Variants in DLGAP1 observed in about 807,000 individuals in gnomAD.
DLGAP1 encodes DLG associated protein 1, also known as disks large-associated protein 1.
Under a neutral mutation model 90.8 loss-of-function variants are expected in DLGAP1, and 11 were observed. The observed-to-expected ratio is 0.12, with a 90% CI of 0.08 to 0.20. The LOEUF is 0.20. Among genes scored for constraint, DLGAP1 ranks in the 10% least tolerant of loss-of-function variants. The probability of loss-of-function intolerance (pLI) is 1.00; values close to 1 mark genes in which losing one functional copy is unlikely to be tolerated. For synonymous variants in DLGAP1, 558 were observed against 540.7 expected, an observed-to-expected ratio of 1.03 and a Z score of -0.44; for missense variants, 1,050 against 1,333.8, an observed-to-expected ratio of 0.79 and a Z score of 3.31.
intron 1 of DLGAP1, among the ~76,000 whole-genome samples, chr18:4,195,728 T>C (rs1298413488): frequency 6.6e-6 from 1 of 152,078 alleles, no homozygotes; most frequent in Non-Finnish European, 1.5e-5. Flanking sequence ...ATTTTTTGTA[T>C]TTTTAGTAGA....
intron 1 of DLGAP1, among the ~76,000 whole-genome samples, chr18:4,425,036 C>T (rs556204615): frequency 1.2e-4 from 15 of 130,276 alleles, no homozygotes; most frequent in African/African-American, 4.5e-4. Flanking sequence ...CAGGGAGATG[C>T]AACATAACCA....
chr18:4,122,348 A>G (rs77500725), intron 2 of DLGAP1, among the ~76,000 whole-genome samples: 2,238 of 152,290 alleles, frequency 0.015, 43 homozygotes, highest in African/African-American at 0.046. Flanking sequence ...GTCCTTAGCT[A>G]AGTAGTTGTG....
At chr18:4,077,183 A>G (rs953752228) in intron 2 of DLGAP1, among the ~76,000 whole-genome samples, 6 of 152,250 alleles carry the variant, frequency 3.9e-5, no homozygotes, top group Admixed American at 6.5e-5. Context: ...TACATTAAGG[A>G]AAGGAGATTC....
At chr18:3,797,627 A>G (rs1168345694) in intron 5 of DLGAP1, among the ~76,000 whole-genome samples, 2 of 152,240 alleles carry the variant, frequency 1.3e-5, no homozygotes, top group African/African-American at 4.8e-5. Context: ...GAGCATGAAA[A>G]CAGAAGCTTC....
intron 1 of DLGAP1, among the ~76,000 whole-genome samples, chr18:4,305,484 A>G (rs2080228194): frequency 6.8e-6 from 1 of 147,664 alleles, no homozygotes; most frequent in South Asian, 2.2e-4. Context: ...CAGTGAGCCG[A>G]GATCGTGGCA....
At chr18:4,381,521 C>G (rs752976566) in intron 1 of DLGAP1, among the ~76,000 whole-genome samples, 18 of 152,128 alleles carry the variant, frequency 1.2e-4, no homozygotes, top group Admixed American at 7.2e-4. Flanking sequence ...TTATTTCATA[C>G]TTAAGATGTG....
chr18:4,231,655 C>A (rs2078301212), intron 1 of DLGAP1, among the ~76,000 whole-genome samples: 1 of 151,976 alleles, frequency 6.6e-6, no homozygotes, highest in African/African-American at 2.4e-5. Flanking sequence ...CATTTCTATT[C>A]TCTGGATCCT....
chr18:3,698,361 C>T (rs973350355), intron 7 of DLGAP1, among the ~76,000 whole-genome samples: 12 of 152,156 alleles, frequency 7.9e-5, no homozygotes, highest in Admixed American at 7.9e-4. Flanking sequence ...CCTCCAGGAG[C>T]TCTTGTAAGG....
intron 3 of DLGAP1, among the ~76,000 whole-genome samples, chr18:3,954,244 TA>T (rs1349926173): frequency 6.6e-6 from 1 of 152,210 alleles, no homozygotes; most frequent in Admixed American, 6.5e-5. Context: ...CATATTATCT[TA>T]AAAATATTTC....
At chr18:4,078,983 T>C (rs1259782233) in intron 2 of DLGAP1, among the ~76,000 whole-genome samples, 8 of 152,198 alleles carry the variant, frequency 5.3e-5, no homozygotes, top group Non-Finnish European at 1.0e-4. Flanking sequence ...ATAGATACTC[T>C]TGTTCATAAC....
At chr18:3,547,070 G>T (rs2053077628) in intron 9 of DLGAP1, among the ~76,000 whole-genome samples, 1 of 152,014 alleles carries the variant, frequency 6.6e-6, no homozygotes, top group Admixed American at 6.6e-5. Context: ...GAGAGGCCGT[G>T]GCAGGTGGAT....
At chr18:3,552,138 C>A (rs2053513265) in intron 9 of DLGAP1, among the ~76,000 whole-genome samples, 1 of 152,056 alleles carries the variant, frequency 6.6e-6, no homozygotes, top group Non-Finnish European at 1.5e-5. Context: ...CTTCCCTCAT[C>A]TCTTCCAGGT....
intron 1 of DLGAP1, among the ~76,000 whole-genome samples, chr18:4,292,649 A>G (rs1227276061): frequency 1.3e-5 from 2 of 152,172 alleles, no homozygotes; most frequent in African/African-American, 2.4e-5. Context: ...TTAAAGCAAT[A>G]TATTTCCAGG....
At chr18:3,944,925 C>T (rs888526418) in intron 3 of DLGAP1, among the ~76,000 whole-genome samples, 1 of 152,194 alleles carries the variant, frequency 6.6e-6, no homozygotes, top group African/African-American at 2.4e-5. Context: ...CTTTTACTAA[C>T]ATAACAGCCA....
chr18:4,437,944 C>T (rs1288797768), intron 1 of DLGAP1, among the ~76,000 whole-genome samples: 3 of 152,120 alleles, frequency 2.0e-5, no homozygotes, highest in African/African-American at 7.2e-5. Flanking sequence ...TTTCTACTTG[C>T]TTCTTATAAT....
At chr18:3,524,417 TATCTTGTATTAGGGC>T (rs901237697) in intron 10 of DLGAP1, among the ~76,000 whole-genome samples, 4 of 152,112 alleles carry the variant, frequency 2.6e-5, no homozygotes, top group Non-Finnish European at 5.9e-5. Context: ...TAAGTAAAAT[TATCTTGTATTAGGGC>T]GTCTTGTGGA....
At chr18:4,055,790 T>C (rs573864358) in intron 2 of DLGAP1, among the ~76,000 whole-genome samples, 240 of 152,260 alleles carry the variant, frequency 1.6e-3, no homozygotes, top group Middle Eastern at 0.014. Context: ...CCCTGTGCCA[T>C]CAGAGGTGTG....
intron 2 of DLGAP1, among the ~76,000 whole-genome samples, chr18:4,081,088 G>A (rs543329194): frequency 1.3e-5 from 2 of 152,070 alleles, no homozygotes; most frequent in Non-Finnish European, 1.5e-5. Context: ...GGGGTTTCCC[G>A]TGTTGGCCAG....
chr18:3,814,314 C>T (rs183967311), intron 4 of DLGAP1, 41 bp from the exon 5 acceptor site: 1 of 1,548,252 alleles, frequency 6.5e-7, no homozygotes, highest in Non-Finnish European at 8.8e-7. Context: ...TTTATAAAAG[C>T]CTACCTTTTT....
Sources: allele counts gnomAD v4.1 joint callset (sites outside exome capture counted in the v4.1 genomes callset), GRCh38; gene constraint gnomAD v4.1.1; transcripts MANE v1.5; gene names NCBI Gene and HGNC (gene_info 2026-07-23, HGNC 2026-07-21).